SLC12A2: variants seen among roughly 807,000 people sequenced by gnomAD.
SLC12A2 encodes the protein Na-K-2Cl cotransporter 1.
A neutral mutation model predicts 136.3 loss-of-function variants in SLC12A2; 67 were observed. The ratio of observed to expected loss-of-function variants is 0.49; its 90% CI spans 0.40 to 0.60. The LOEUF (loss-of-function observed/expected upper bound fraction) is 0.60. Ranked by LOEUF, SLC12A2 falls within the 20% of genes least tolerant of loss-of-function variation. The pLI, the probability that SLC12A2 is intolerant of heterozygous loss-of-function variation, is 0.00. For synonymous variants in SLC12A2, 619 were observed against 562.9 expected, an observed-to-expected ratio of 1.10 and a Z score of -1.41; for missense variants, 1,322 against 1,534.7, an observed-to-expected ratio of 0.86 and a Z score of 2.32.
chr5:128,149,890 G>A lies in SLC12A2; in HGVS notation c.2006-107G>A. 3 of 759,056 alleles carry A rather than the reference G, an allele frequency of 4.0e-6. No individual in the cohort carries two copies. In the South Asian group the frequency reaches 4.5e-5, roughly 11 times the overall value. The allele number at this position is 759,056 out of a possible 1,614,324, so 47.0% of individuals were successfully genotyped here. On this transcript the variant is annotated intron_variant, in intron 12 of 26. Coordinates refer to ENST00000262461, the MANE Select transcript of SLC12A2 (RefSeq NM_001046.3). Reference sequence around the variant, plus strand: ...TCTAAATGTTTATGAAAGCTGGATGGTGGTTATGGGGTGTTACGTTGTTAT... The same window carrying A: ...TCTAAATGTTTATGAAAGCTGGATGATGGTTATGGGGTGTTACGTTGTTAT...
chr5:128,170,196 G>A (rs1205813271), intron 18 of SLC12A2: 1 of 152,098 alleles, frequency 6.6e-6, no homozygotes, highest in African/African-American at 2.4e-5. Context: ...CAGTAAACTT[G>A]GGGAGCTATA....
intron 1 of SLC12A2, among the ~76,000 whole-genome samples, chr5:128,085,314 G>A (rs1205706323): frequency 6.7e-6 from 1 of 149,558 alleles, no homozygotes; most frequent in East Asian, 2.0e-4. Flanking sequence ...CTTTTTTTTT[G>A]CGATGAAAAC....
Position 128,112,940 on chromosome 5 carries a change from A to G in SLC12A2, c.876+7A>G. 3.2e-6 allele frequency: 5 copies of G among 1,575,962 alleles called. No homozygotes were observed. The highest frequency in any genetic ancestry group is 4.3e-6 in the Non-Finnish European group (5 of 1,166,734). ...CTGGATCAAGGGTGTATTAGTATGT[A>G]TATATAGACTTAATTTTATAGTTAC... On this transcript the variant is annotated splice_region_variant and intron_variant, in intron 2 of 26. Coordinates refer to ENST00000262461, the MANE Select transcript of SLC12A2 (RefSeq NM_001046.3).
intron 1 of SLC12A2, among the ~76,000 whole-genome samples, chr5:128,104,673 A>G (rs1760869215): frequency 1.4e-5 from 1 of 73,682 alleles, no homozygotes; most frequent in African/African-American, 1.0e-4. Context: ...ATATATAGAT[A>G]TATAGATATA....
At chr5:128,117,655 T>C (rs1350351531) in intron 4 of SLC12A2, among the ~76,000 whole-genome samples, 1 of 152,186 alleles carries the variant, frequency 6.6e-6, no homozygotes, top group Admixed American at 6.5e-5. Flanking sequence ...CTTCTAGGCA[T>C]TGGCTTAGGC....
At position 128,166,254 on chromosome 5, in the gene SLC12A2, A is replaced by G. The variant is rs2617619; in HGVS notation, c.2617-1507A>G. ...TATATATAAAAGTTAAATTAGTGAC[A>G]TAAATATGAGAGCAAAACCCGTAAA... On this transcript the variant is annotated intron_variant, in intron 17 of 26. Transcript: ENST00000262461. Among the ~76,000 whole-genome samples the G allele has an allele frequency of 1.8e-4, 27 of 152,284 alleles. No homozygotes were observed. The East Asian group carries it at 5.0e-3, about 28-fold the overall frequency.
intron 1 of SLC12A2, among the ~76,000 whole-genome samples, chr5:128,091,608 A>T (rs551179098): frequency 3.9e-4 from 59 of 152,292 alleles, no homozygotes; most frequent in African/African-American, 1.1e-3. Context: ...CATGAAAGCT[A>T]CTATCAGCTG....
intron 2 of SLC12A2, 27 bp downstream of exon 2, chr5:128,112,960 A>T: frequency 6.5e-7 from 1 of 1,543,682 alleles, no homozygotes; most frequent in Non-Finnish European, 8.7e-7. Context: ...TTAATTTTAT[A>T]GTTACAGCAT....
chr5:128,181,992 C>A (rs2126758964), intron 23 of SLC12A2, among the ~76,000 whole-genome samples: 1 of 148,130 alleles, frequency 6.8e-6, no homozygotes, highest in Admixed American at 6.8e-5. Context: ...TACTTTTATA[C>A]CTACCACTCA....
At chr5:128,129,653 C>T (rs1761943302) in intron 4 of SLC12A2, among the ~76,000 whole-genome samples, 1 of 152,022 alleles carries the variant, frequency 6.6e-6, no homozygotes, top group Admixed American at 6.6e-5. Context: ...TTTGTTGGTG[C>T]ATTTACCTTC....
At chr5:128,147,082 CTT>C (rs34232629) in intron 10 of SLC12A2, among the ~76,000 whole-genome samples, 50 of 131,976 alleles carry the variant, frequency 3.8e-4, no homozygotes, top group Non-Finnish European at 4.3e-4. Context: ...AATGTGTAAC[CTT>C]TTTTTTTTTT....
chr5:128,121,132 A>G (rs1264201198), intron 4 of SLC12A2, among the ~76,000 whole-genome samples: 3 of 152,158 alleles, frequency 2.0e-5, no homozygotes, highest in Non-Finnish European at 4.4e-5. Context: ...TAGAGATTAA[A>G]CAGATATCAA....
chr5:128,120,664 A>T (rs1472428014), intron 4 of SLC12A2, among the ~76,000 whole-genome samples: 2 of 151,894 alleles, frequency 1.3e-5, no homozygotes, highest in Non-Finnish European at 2.9e-5. Context: ...AACAATGAGA[A>T]CACATGGACA....
chr5:128,187,689 A>G lies in SLC12A2; in HGVS notation c.*1058A>G, dbSNP rs534849143. On this transcript the variant is annotated 3_prime_UTR_variant, in exon 27 of 27. Coordinates refer to ENST00000262461, the MANE Select transcript of SLC12A2 (RefSeq NM_001046.3). ...AATGTTTTTAGGCTTAATTCATTCAATTGTCAAGTACACTTAGTCTTAATA... is the reference window on the plus strand; with the variant it reads ...AATGTTTTTAGGCTTAATTCATTCAGTTGTCAAGTACACTTAGTCTTAATA... The G allele has an allele frequency of 4.6e-5, 7 of 152,708 alleles. No homozygotes were observed. The highest frequency in any genetic ancestry group is 3.9e-4 in the East Asian group (2 of 5,190). 9.5% of individuals were successfully genotyped at this position (152,708 alleles called of 1,614,324 possible).
intron 1 of SLC12A2, among the ~76,000 whole-genome samples, chr5:128,101,148 T>C (rs1236616143): frequency 6.6e-6 from 1 of 152,114 alleles, no homozygotes; most frequent in Admixed American, 6.6e-5. Context: ...GAGTAGTCTG[T>C]ATGGGGAGCA....
At chr5:128,111,799 TGTGTGTGTATATAC>T (rs990030908) in intron 1 of SLC12A2, among the ~76,000 whole-genome samples, 1 of 138,308 alleles carries the variant, frequency 7.2e-6, no homozygotes, top group African/African-American at 3.1e-5. Flanking sequence ...CATATATATA[TGTGTGTGTATATAC>T]GTGTGTGTGT....
In SLC12A2 at chr5:128,189,011, TG is replaced by T. The variant is rs1260319327; in HGVS notation, c.*2383del. 4 of 151,874 alleles carry T rather than the reference TG, an allele frequency of 2.6e-5. No individual in the cohort carries two copies. Among genetic ancestry groups the T allele is most frequent in the African/African-American group, 9.7e-5 (4 of 41,182 alleles). The allele number at this position is 151,874 out of a possible 1,614,324, so 9.4% of individuals were successfully genotyped here. A position where few individuals can be genotyped will look rare whatever the true frequency, so the allele number is the denominator to read the frequency against. The stretch of plus-strand genomic sequence containing the variant: ...AACCAAATGTCATGCGTCATACATG[TG>T]GGTATAAAGTACATAAAATATATCT... On this transcript the variant is annotated 3_prime_UTR_variant, in exon 27 of 27. Transcript: ENST00000262461.
chr5:128,160,712 G>A (rs1763009638), intron 16 of SLC12A2, among the ~76,000 whole-genome samples: 1 of 152,164 alleles, frequency 6.6e-6, no homozygotes, highest in Non-Finnish European at 1.5e-5. Context: ...AGGGGTATTT[G>A]TTGGATCAGC....
intron 1 of SLC12A2, among the ~76,000 whole-genome samples, chr5:128,108,679 A>G (rs1182803579): frequency 1.3e-5 from 2 of 152,218 alleles, no homozygotes; most frequent in African/African-American, 2.4e-5. Context: ...GGTGATAAAA[A>G]TATTCCACAG....
Sources: allele counts gnomAD v4.1 joint callset (sites outside exome capture counted in the v4.1 genomes callset), GRCh38; gene constraint gnomAD v4.1.1; transcripts MANE v1.5; gene names NCBI Gene and HGNC (gene_info 2026-07-23, HGNC 2026-07-21).